The following CMSS1 variants were observed in gnomAD, a reference collection of about 807,000 sequenced individuals.
The protein encoded by CMSS1 is cms1 ribosomal small subunit homolog.
CMSS1 carries 33 observed loss-of-function variants against 43.5 expected under a neutral mutation model. The ratio of observed to expected loss-of-function variants is 0.76; its 90% CI spans 0.57 to 1.01. The LOEUF is 1.01. Ranked by LOEUF, CMSS1 falls within the 50% of genes least tolerant of loss-of-function variation. The probability of loss-of-function intolerance (pLI) is 0.00; values close to 1 mark genes in which losing one functional copy is unlikely to be tolerated. For missense variants in CMSS1, 313 were observed against 326.4 expected, an observed-to-expected ratio of 0.96 and a Z score of 0.32; for synonymous variants, 115 against 117.2, an observed-to-expected ratio of 0.98 and a Z score of 0.12.
intron 1 of CMSS1, among the ~76,000 whole-genome samples, chr3:99,869,158 G>C (rs1944661977): frequency 6.6e-6 from 1 of 152,182 alleles, no homozygotes; most frequent in South Asian, 2.1e-4. Flanking sequence ...TGTCACTTCT[G>C]GAAGGAGAAC....
At chr3:99,876,172 G>A in intron 1 of CMSS1, 1 of 985,506 alleles carries the variant, frequency 1.0e-6, no homozygotes, top group Non-Finnish European at 1.2e-6. Context: ...CCCGAACAAT[G>A]CGAGCGGGGC....
At chr3:99,875,968 A>G in intron 1 of CMSS1, 1 of 748,230 alleles carries the variant, frequency 1.3e-6, no homozygotes, top group Non-Finnish European at 1.6e-6. Context: ...ACCTGTCTGC[A>G]GTTTGTGATG....
At chr3:100,166,165 G>A (rs1016439322) in intron 4 of CMSS1, among the ~76,000 whole-genome samples, 170 bp from the exon 5 acceptor site, 1 of 152,186 alleles carries the variant, frequency 6.6e-6, no homozygotes, top group Non-Finnish European at 1.5e-5. Flanking sequence ...AAGTTTACTT[G>A]TTGCTGCTGC....
At chr3:100,050,263 A>G (rs1200217294) in intron 1 of CMSS1, among the ~76,000 whole-genome samples, 1 of 152,204 alleles carries the variant, frequency 6.6e-6, no homozygotes, top group East Asian at 1.9e-4. Flanking sequence ...CCTCCCTTAT[A>G]ACTCTGAGTG....
At position 99,924,662 on chromosome 3, in the gene CMSS1, GC is replaced by G. The variant is rs1051261119; in HGVS notation, c.64+106620del. Among the ~76,000 whole-genome samples the G allele has an allele frequency of 2.6e-5, 4 of 152,272 alleles. No homozygotes were observed. In the East Asian group the frequency reaches 7.7e-4, roughly 29 times the overall value. On this transcript the variant is annotated intron_variant, in intron 1 of 9. Coordinates refer to ENST00000421999, the MANE Select transcript of CMSS1 (RefSeq NM_032359.4). ...GCCTCCCAAGTAGCTGGGATTACAG[GC>G]ATGCGCCACCATGCCCAACTAATTT...
chr3:100,166,304 T>A (rs1207107230), intron 4 of CMSS1, 31 bp from the exon 5 acceptor site: 1 of 1,457,368 alleles, frequency 6.9e-7, no homozygotes, highest in Admixed American at 1.7e-5. Flanking sequence ...TTTACAAAAT[T>A]ATCTACAAAG....
At chr3:99,876,842 G>T (rs1705550855) in intron 1 of CMSS1, among the ~76,000 whole-genome samples, 1 of 152,122 alleles carries the variant, frequency 6.6e-6, no homozygotes, top group South Asian at 2.1e-4. Flanking sequence ...AACGAAAGCA[G>T]TTAAAACTAT....
chr3:99,842,698 C>A (rs900630750), intron 1 of CMSS1, among the ~76,000 whole-genome samples: 2 of 152,146 alleles, frequency 1.3e-5, no homozygotes, highest in African/African-American at 4.8e-5. Context: ...AATGATGCCA[C>A]AAATAAAAGT....
intron 1 of CMSS1, among the ~76,000 whole-genome samples, chr3:100,096,286 G>A (rs550334429): frequency 1.3e-4 from 11 of 83,330 alleles, no homozygotes; most frequent in African/African-American, 4.3e-4. Flanking sequence ...AATGAAATCA[G>A]TATAGCAAAG....
intron 1 of CMSS1, among the ~76,000 whole-genome samples, chr3:99,980,529 A>G (rs908938996): frequency 1.3e-5 from 2 of 152,172 alleles, no homozygotes; most frequent in Non-Finnish European, 2.9e-5. Flanking sequence ...ACACTTTTTT[A>G]TACATTCAGT....
chr3:100,162,734 G>A (rs1299438612), intron 4 of CMSS1, among the ~76,000 whole-genome samples: 1 of 152,244 alleles, frequency 6.6e-6, no homozygotes, highest in Non-Finnish European at 1.5e-5. Context: ...AGCACTCTGG[G>A]AGGCTGAGAC....
At chr3:100,117,855 A>ACGTATATATATATATATATATATACG (rs1491350434) in intron 1 of CMSS1, among the ~76,000 whole-genome samples, 2 of 44,304 alleles carry the variant, frequency 4.5e-5, no homozygotes, top group Non-Finnish European at 1.0e-4. Flanking sequence ...ATATATATAC[A>ACGTATATATATATATATATATATACG]TATATATATA....
At chr3:100,082,660 G>A (rs2065950288) in intron 1 of CMSS1, among the ~76,000 whole-genome samples, 4 of 152,050 alleles carry the variant, frequency 2.6e-5, no homozygotes, top group Non-Finnish European at 2.9e-5. Flanking sequence ...GGTTATAGTC[G>A]AGCTCCAACA....
chr3:100,038,810 T>G (rs1017619911), intron 1 of CMSS1, among the ~76,000 whole-genome samples: 3 of 152,142 alleles, frequency 2.0e-5, no homozygotes, highest in African/African-American at 7.2e-5. Context: ...CTGCTCCTTA[T>G]GTACTGATAC....
At chr3:99,984,191 A>G (rs1055064641) in intron 1 of CMSS1, among the ~76,000 whole-genome samples, 1 of 152,122 alleles carries the variant, frequency 6.6e-6, no homozygotes, top group African/African-American at 2.4e-5. Context: ...TGAAATTGGA[A>G]TGTGATTGTT....
intron 2 of CMSS1, among the ~76,000 whole-genome samples, chr3:100,147,275 T>C (rs1326306274): frequency 6.8e-5 from 10 of 147,372 alleles, no homozygotes; most frequent in Non-Finnish European, 1.0e-4. Flanking sequence ...CTTTTTTTTT[T>C]TTTTTTTTTT....
At chr3:100,083,240 C>CT (rs1276095573) in intron 1 of CMSS1, among the ~76,000 whole-genome samples, 6 of 152,204 alleles carry the variant, frequency 3.9e-5, no homozygotes, top group Non-Finnish European at 1.5e-5. Flanking sequence ...AATAGTTTTA[C>CT]TTTATCTTGG....
At chr3:100,150,778 A>C (rs189339297) in intron 2 of CMSS1, among the ~76,000 whole-genome samples, 1 of 152,310 alleles carries the variant, frequency 6.6e-6, no homozygotes, top group East Asian at 1.9e-4. Flanking sequence ...CTACTCCTAG[A>C]GATTGCATCA....
chr3:99,905,823 G>A (rs1706597867), intron 1 of CMSS1, among the ~76,000 whole-genome samples: 1 of 152,182 alleles, frequency 6.6e-6, no homozygotes, highest in African/African-American at 2.4e-5. Context: ...TCATATAAAT[G>A]GAATTTACAT....
Sources: gnomAD v4.1 joint callset for allele counts (sites outside exome capture counted in the v4.1 genomes callset) on GRCh38, gnomAD v4.1.1 for gene constraint, MANE v1.5 for transcripts, NCBI Gene and HGNC (gene_info 2026-07-23, HGNC 2026-07-21) for gene names.